CUBN: variants seen among roughly 807,000 people sequenced by gnomAD.
CUBN encodes the protein cubilin, also known as 460 kDa receptor.
Under a neutral mutation model 405.3 loss-of-function variants are expected in CUBN, and 282 were observed. That is an observed-to-expected ratio of 0.70 (90% CI 0.63 to 0.77). The LOEUF is 0.77. Among genes scored for constraint, CUBN ranks in the 30% least tolerant of loss-of-function variants. The pLI is 0.00. For synonymous variants in CUBN, 1,684 were observed against 1,617.0 expected (o/e 1.04, Z -0.99); for missense variants, 4,514 against 4,475.2 (o/e 1.01, Z -0.25).
At chr10:17,092,175 C>G (rs570318477) in intron 14 of CUBN, among the ~76,000 whole-genome samples, 1 of 152,106 alleles carries the variant, frequency 6.6e-6, no homozygotes, top group Non-Finnish European at 1.5e-5. Context: ...GAGTTATGAA[C>G]GGGTCTCACC....
chr10:17,041,913 C>T (rs1237579491), intron 26 of CUBN, among the ~76,000 whole-genome samples: 1 of 152,058 alleles, frequency 6.6e-6, no homozygotes, highest in African/African-American at 2.4e-5. Flanking sequence ...TTCAACAAAA[C>T]CAAACCAGAT....
At chr10:16,901,255 A>G in intron 52 of CUBN, 83 bp downstream of exon 52, 5 of 1,589,626 alleles carry the variant, frequency 3.1e-6, no homozygotes, top group Non-Finnish European at 4.3e-6. Context: ...CACTTGCTTA[A>G]TAAAAGAGCT....
In CUBN at chr10:16,928,320, G is replaced by T; in HGVS notation, c.6125-17C>A. ...TATTATCTCCTACGTTGAAAGAAAG[G>T]GAACAACATGAAAATACATCTTGAG... On this transcript the variant is annotated splice_polypyrimidine_tract_variant and intron_variant, in intron 40 of 66. Transcript: ENST00000377833. The T allele has an allele frequency of 6.2e-7, 1 of 1,613,064 alleles. No individual in the cohort carries two copies. Among genetic ancestry groups the T allele is most frequent in the Middle Eastern group, 1.7e-4 (1 of 6,056 alleles).
intron 17 of CUBN, among the ~76,000 whole-genome samples, chr10:17,081,388 T>G (rs1032795754): frequency 6.6e-6 from 1 of 152,206 alleles, no homozygotes; most frequent in African/African-American, 2.4e-5. Context: ...TTCTAAAATT[T>G]TGGGTGGACT....
chr10:17,055,355 A>C (rs1835367377), intron 22 of CUBN, among the ~76,000 whole-genome samples: 1 of 152,102 alleles, frequency 6.6e-6, no homozygotes, highest in Non-Finnish European at 1.5e-5. Context: ...AAGATTAAGA[A>C]AAAGGCCAAC....
chr10:16,828,519 A>C (rs1043824049), intron 66 of CUBN, among the ~76,000 whole-genome samples: 2 of 152,170 alleles, frequency 1.3e-5, no homozygotes, highest in African/African-American at 4.8e-5. Flanking sequence ...GGAGTTCGAG[A>C]CCAGCCTGGT....
At chr10:16,930,348 C>T (rs1842326365) in intron 40 of CUBN, among the ~76,000 whole-genome samples, 1 of 152,100 alleles carries the variant, frequency 6.6e-6, no homozygotes, top group African/African-American at 2.4e-5. Context: ...ATTTTTATCC[C>T]CATTTTGTAT....
chr10:16,907,272 G>A (rs1841579143), intron 49 of CUBN, among the ~76,000 whole-genome samples: 1 of 152,218 alleles, frequency 6.6e-6, no homozygotes, highest in South Asian at 2.1e-4. Flanking sequence ...TGTGCTAGAA[G>A]CTAATCTAAT....
At chr10:17,010,021 G>A (rs554833102) in intron 28 of CUBN, among the ~76,000 whole-genome samples, 1 of 152,294 alleles carries the variant, frequency 6.6e-6, no homozygotes, top group Admixed American at 6.5e-5. Flanking sequence ...GCGGTCCATA[G>A]AGCAGCACCA....
intron 22 of CUBN, among the ~76,000 whole-genome samples, chr10:17,049,223 A>T (rs1835206233): frequency 6.6e-6 from 1 of 152,218 alleles, no homozygotes; most frequent in Non-Finnish European, 1.5e-5. Flanking sequence ...CAGACCCAGT[A>T]ATGAAACTTA....
At chr10:17,072,960 C>T (rs1454768648) in intron 17 of CUBN, among the ~76,000 whole-genome samples, 1 of 152,052 alleles carries the variant, frequency 6.6e-6, no homozygotes, top group Non-Finnish European at 1.5e-5. Context: ...TTATTCCCAT[C>T]CCACCCTCAA....
At chr10:17,073,570 C>T (rs1390165368) in intron 17 of CUBN, among the ~76,000 whole-genome samples, 1 of 151,888 alleles carries the variant, frequency 6.6e-6, no homozygotes, top group African/African-American at 2.4e-5. Context: ...CCTCAGCCTC[C>T]CAAGTAGCTG....
Position 16,829,003 on chromosome 10 carries a change from G to A in CUBN, c.10566C>T (p.Phe3522=). Residue 3522 remains phenylalanine (F), a synonymous_variant, in exon 66 of 67, where the codon TTC becomes TTT. Coordinates refer to ENST00000377833, the MANE Select transcript of CUBN (RefSeq NM_001081.4). ...ATGTGCCTGGATAGCCGGGGCTGGT[G>A]AATGAGCCTCTGTCTCCATAAAGAG... The part of the protein sequence containing the change: ...GGTLYGDRGS[F]TSPGYPGTYP... 6.2e-7 allele frequency: 1 copy of A among 1,614,144 alleles called. No homozygotes were observed. Among genetic ancestry groups the A allele is most frequent in the Non-Finnish European group, 8.5e-7 (1 of 1,180,014 alleles).
intron 59 of CUBN, 113 bp from the exon 60 acceptor site, chr10:16,851,556 A>G (rs1278785940): frequency 5.2e-6 from 5 of 966,180 alleles, no homozygotes; most frequent in Non-Finnish European, 8.2e-6. Context: ...CTCTGAGAAC[A>G]TGATCAGATC....
intron 59 of CUBN, among the ~76,000 whole-genome samples, chr10:16,853,667 T>C (rs1254210914): frequency 6.6e-6 from 1 of 152,194 alleles, no homozygotes; most frequent in Non-Finnish European, 1.5e-5. Flanking sequence ...ACAGAGGTCA[T>C]ATAGGACAAA....
intron 31 of CUBN, among the ~76,000 whole-genome samples, chr10:16,964,468 C>T (rs867622120): frequency 6.6e-5 from 10 of 152,002 alleles, no homozygotes; most frequent in East Asian, 1.9e-4. Context: ...TACATGAGTG[C>T]GTGTATATAT....
rs2356588 is a variant in CUBN at position 16,937,382 on chromosome 10, A to T, written c.5926+210T>A. On this transcript the variant is annotated intron_variant, in intron 39 of 66. Coordinates refer to ENST00000377833, the MANE Select transcript of CUBN (RefSeq NM_001081.4). ...TATCAAGCCCCTAATTAATATAAAAAATATAATGGGACCTGCATTTTTTAG... is the reference window on the plus strand; with the variant it reads ...TATCAAGCCCCTAATTAATATAAAATATATAATGGGACCTGCATTTTTTAG... 0.12 allele frequency among the ~76,000 whole-genome samples: 18,207 copies of T among 152,154 alleles called. 2,350 individuals carry two copies. Among genetic ancestry groups the T allele is most frequent in the African/African-American group, 0.3 (12,536 of 41,454 alleles).
chr10:16,860,863 T>G (rs1036945755), intron 59 of CUBN, among the ~76,000 whole-genome samples: 88 of 152,246 alleles, frequency 5.8e-4, no homozygotes, highest in Non-Finnish European at 1.8e-4. Flanking sequence ...ACTTTTTCCC[T>G]GGAATGCTGC....
At chr10:16,831,926 A>T (rs189766870) in intron 64 of CUBN, among the ~76,000 whole-genome samples, 1 of 152,360 alleles carries the variant, frequency 6.6e-6, no homozygotes, top group African/African-American at 2.4e-5. Flanking sequence ...AATGCAAAGT[A>T]TAATAAAGTT....
Sources: allele counts gnomAD v4.1 joint callset (sites outside exome capture counted in the v4.1 genomes callset), GRCh38; gene constraint gnomAD v4.1.1; transcripts MANE v1.5; gene names NCBI Gene and HGNC (gene_info 2026-07-23, HGNC 2026-07-21).